The following ALK variants were observed in gnomAD, a reference collection of about 807,000 sequenced individuals.
ALK encodes ALK receptor tyrosine kinase.
A neutral mutation model predicts 163.1 loss-of-function variants in ALK; 74 were observed. That is an observed-to-expected ratio of 0.45 (90% confidence interval 0.38 to 0.55). The LOEUF (loss-of-function observed/expected upper bound fraction) is 0.55. Among genes scored for constraint, ALK ranks in the 20% least tolerant of loss-of-function variants. ALK has a pLI of 0.00. For missense variants in ALK, 2,063 were observed against 2,105.3 expected, an observed-to-expected ratio of 0.98 and a Z score of 0.39; for synonymous variants, 960 against 843.2, an observed-to-expected ratio of 1.14 and a Z score of -2.40.
chr2:29,739,672 G>A (rs891372638), intron 1 of ALK, among the ~76,000 whole-genome samples: 5 of 151,688 alleles, frequency 3.3e-5, no homozygotes, highest in Admixed American at 1.3e-4. Flanking sequence ...TAATATATTC[G>A]AGCCTCCTTT....
intron 4 of ALK, among the ~76,000 whole-genome samples, chr2:29,413,681 T>C (rs1347947516): frequency 1.3e-5 from 2 of 152,044 alleles, no homozygotes; most frequent in African/African-American, 4.8e-5. Flanking sequence ...ACAGGCACCC[T>C]CCACCATGCC....
rs1005480779 is a variant in ALK at position 29,506,766 on chromosome 2, A to G, written c.1154+25149T>C. Among the ~76,000 whole-genome samples, 4 of 152,030 alleles carry G rather than the reference A, an allele frequency of 2.6e-5. No individual in the cohort carries two copies. The South Asian group carries it at 6.2e-4, about 24-fold the overall frequency. On this transcript the variant is annotated intron_variant, in intron 4 of 28. Coordinates refer to ENST00000389048, the MANE Select transcript of ALK (RefSeq NM_004304.5). ...GTCTCAAAAACAAAACAAAAAAAAA[A>G]AGTTAAGCAGGATTTGGATGGGGTA...
chr2:29,843,541 T>C (rs1221350614), intron 1 of ALK, among the ~76,000 whole-genome samples: 1 of 152,164 alleles, frequency 6.6e-6, no homozygotes, highest in Non-Finnish European at 1.5e-5. Flanking sequence ...ATGGTTATCA[T>C]ATACTCCTGC....
chr2:29,444,488 A>T (rs193095405), intron 4 of ALK, among the ~76,000 whole-genome samples: 1 of 152,324 alleles, frequency 6.6e-6, no homozygotes, highest in East Asian at 1.9e-4. Flanking sequence ...GTGGGTGCCC[A>T]GGAGACAACA....
In ALK at chr2:29,328,494, C is replaced by G. The variant is rs1299172468; in HGVS notation, c.1283-13G>C. 6.2e-7 allele frequency: 1 copy of G among 1,614,108 alleles called. No homozygotes were observed. Among genetic ancestry groups the G allele is most frequent in the African/African-American group, 1.3e-5 (1 of 75,064 alleles). On this transcript the variant is annotated splice_polypyrimidine_tract_variant and intron_variant, in intron 5 of 28. Coordinates refer to ENST00000389048, the MANE Select transcript of ALK (RefSeq NM_004304.5). ...CCTGGGGATGTTCCTGGAGAGCACA[C>G]AGACACACAACCATGGTAAGTTTGC...
At chr2:29,678,109 C>T (rs1677940585) in intron 3 of ALK, among the ~76,000 whole-genome samples, 1 of 151,830 alleles carries the variant, frequency 6.6e-6, no homozygotes, top group African/African-American at 2.4e-5. Context: ...GTTTAGTTTC[C>T]CTTACAATCT....
intron 3 of ALK, among the ~76,000 whole-genome samples, chr2:29,543,874 C>A: frequency 6.6e-6 from 1 of 152,214 alleles, no homozygotes; most frequent in East Asian, 1.9e-4. Context: ...TTTAATATAA[C>A]TTCAGTGGGA....
intron 3 of ALK, among the ~76,000 whole-genome samples, chr2:29,542,078 G>A (rs1215871231): frequency 6.6e-6 from 1 of 152,116 alleles, no homozygotes; most frequent in East Asian, 1.9e-4. Context: ...TCCTTTGTGT[G>A]CACATTAATA....
At chr2:29,300,420 G>C (rs1202948261) in intron 8 of ALK, among the ~76,000 whole-genome samples, 2 of 151,926 alleles carry the variant, frequency 1.3e-5, no homozygotes, top group Non-Finnish European at 2.9e-5. Context: ...GTGGTGGCAG[G>C]TACCTGTAGT....
At chr2:29,554,233 T>C (rs772987069) in intron 3 of ALK, among the ~76,000 whole-genome samples, 1 of 152,196 alleles carries the variant, frequency 6.6e-6, no homozygotes, top group Non-Finnish European at 1.5e-5. Flanking sequence ...ATAGATATCA[T>C]TAAGTGGGGG....
In ALK at chr2:29,227,776, T is replaced by A; in HGVS notation, c.2816-104A>T. ...TGCAGCTCTGGCCAAAGTTAGGGGG[T>A]CACTGGGGACCTCAGGGGCAGGGAT... is the stretch of plus-strand genomic sequence containing the variant. On this transcript the variant is annotated intron_variant, in intron 16 of 28. Coordinates refer to ENST00000389048, the MANE Select transcript of ALK (RefSeq NM_004304.5). The surrounding 1 kb of genome is among the most constrained non-coding windows in gnomAD (Gnocchi z 4.4). The A allele has an allele frequency of 1.1e-6, 1 of 875,662 alleles. No homozygotes were observed. 54.2% of individuals were successfully genotyped at this position (875,662 alleles called of 1,614,324 possible).
intron 3 of ALK, among the ~76,000 whole-genome samples, chr2:29,561,787 T>C (rs889303802): frequency 6.6e-6 from 1 of 152,170 alleles, no homozygotes; most frequent in Non-Finnish European, 1.5e-5. Flanking sequence ...GAAGCAGTTG[T>C]TCCCAACCCT....
intron 4 of ALK, among the ~76,000 whole-genome samples, chr2:29,503,717 T>A (rs1181489986): frequency 1.3e-5 from 2 of 152,054 alleles, no homozygotes; most frequent in Non-Finnish European, 2.9e-5. Flanking sequence ...CCAGGCAACA[T>A]GGCTGGGATG....
intron 4 of ALK, among the ~76,000 whole-genome samples, chr2:29,433,008 T>C (rs1258946377): frequency 2.0e-5 from 3 of 152,220 alleles, no homozygotes; most frequent in African/African-American, 7.2e-5. Context: ...CCTTCCCAGC[T>C]GTACCATCTA....
intron 3 of ALK, among the ~76,000 whole-genome samples, chr2:29,692,742 A>T (rs1443342210): frequency 6.6e-6 from 1 of 152,158 alleles, no homozygotes; most frequent in African/African-American, 2.4e-5. Flanking sequence ...GGTGTTAGGG[A>T]TCCCTGTTCT....
intron 1 of ALK, among the ~76,000 whole-genome samples, chr2:29,725,874 T>A (rs1304030312): frequency 6.6e-6 from 1 of 152,166 alleles, no homozygotes; most frequent in East Asian, 1.9e-4. Context: ...AGAACCTGTA[T>A]CTCTCAGAAT....
chr2:29,474,558 T>C (rs190151785), intron 4 of ALK, among the ~76,000 whole-genome samples: 2 of 152,352 alleles, frequency 1.3e-5, no homozygotes, highest in African/African-American at 2.4e-5. Context: ...ATTCTGAGGT[T>C]TGATATTTTT....
chr2:29,902,449 C>T (rs145549571), intron 1 of ALK, among the ~76,000 whole-genome samples: 41 of 152,302 alleles, frequency 2.7e-4, no homozygotes, highest in African/African-American at 8.9e-4. Flanking sequence ...TCCCTACATG[C>T]TAATCCAGAC....
At chr2:29,462,023 A>C (rs1671096652) in intron 4 of ALK, among the ~76,000 whole-genome samples, 1 of 152,168 alleles carries the variant, frequency 6.6e-6, no homozygotes, top group Non-Finnish European at 1.5e-5. Context: ...TTAAGACTTC[A>C]TTGGAGAAAG....
Sources: allele counts gnomAD v4.1 joint callset (sites outside exome capture counted in the v4.1 genomes callset), GRCh38; gene constraint gnomAD v4.1.1; non-coding constraint Gnocchi (gnomAD v3.1); transcripts MANE v1.5; gene names NCBI Gene and HGNC (gene_info 2026-07-23, HGNC 2026-07-21).